HTR2C: variants seen among roughly 807,000 people sequenced by gnomAD.
HTR2C encodes 5-hydroxytryptamine (serotonin) receptor 2C, G protein-coupled.
HTR2C carries 5 observed loss-of-function variants against 21.0 expected under a neutral mutation model. The observed-to-expected ratio is 0.24, with a 90% CI of 0.12 to 0.50. The LOEUF (loss-of-function observed/expected upper bound fraction) is 0.50. Among genes scored for constraint, HTR2C ranks in the 20% least tolerant of loss-of-function variants. HTR2C has a pLI of 0.98. For synonymous variants in HTR2C, 150 were observed against 145.3 expected (o/e 1.03, Z -0.23); for missense variants, 271 against 371.2 (o/e 0.73, Z 2.22).
intron 4 of HTR2C, among the ~76,000 whole-genome samples, chrX:114,840,486 G>A (rs1036312986): frequency 3.6e-5 from 4 of 110,869 alleles, no homozygotes; most frequent in Admixed American, 1.9e-4. Context: ...AGATCAGAGC[G>A]AAACACATTG....
At chrX:114,600,073 A>T (rs1186331253) in intron 1 of HTR2C, among the ~76,000 whole-genome samples, 1 of 111,986 alleles carries the variant, frequency 8.9e-6, no homozygotes, top group African/African-American at 3.2e-5. Context: ...ATTGAGCCCT[A>T]ACCATATCCT....
rs782817830 is a variant in HTR2C at position 114,699,945 on chromosome X, A to T, written c.-79-26913A>T. On this transcript the variant is annotated intron_variant, in intron 2 of 5. Coordinates refer to ENST00000276198, the MANE Select transcript of HTR2C (RefSeq NM_000868.4). ...GCTACCACAGATATTAGCCTATTGCATTTCTTTTGATTAAGTTATAAATTT... is the reference window on the plus strand; with the variant it reads ...GCTACCACAGATATTAGCCTATTGCTTTTCTTTTGATTAAGTTATAAATTT... Among the ~76,000 whole-genome samples the T allele has an allele frequency of 8.2e-5, 6 of 73,418 alleles. No homozygotes were observed. The East Asian group carries it at 3.4e-3, about 42-fold the overall frequency. 63.8% of individuals were successfully genotyped at this position (73,418 alleles called of 115,157 possible).
At chrX:114,846,295 T>C (rs2070873302) in intron 4 of HTR2C, among the ~76,000 whole-genome samples, 1 of 111,896 alleles carries the variant, frequency 8.9e-6, no homozygotes, top group Admixed American at 9.5e-5. Context: ...AAATAGAAGA[T>C]GAAGAAACAT....
At chrX:114,758,962 A>G (rs1231448767) in intron 4 of HTR2C, among the ~76,000 whole-genome samples, 1 of 112,021 alleles carries the variant, frequency 8.9e-6, no homozygotes, top group East Asian at 2.8e-4. Context: ...ACAATTTTTT[A>G]TCATTTACAT....
At chrX:114,591,387 T>C (rs1388139584) in intron 1 of HTR2C, among the ~76,000 whole-genome samples, 1 of 111,987 alleles carries the variant, frequency 8.9e-6, no homozygotes, top group African/African-American at 3.2e-5. Context: ...ATCATACCTC[T>C]ATATCTATTT....
intron 2 of HTR2C, among the ~76,000 whole-genome samples, chrX:114,692,560 T>C (rs1356621537): frequency 9.0e-6 from 1 of 111,253 alleles, no homozygotes; most frequent in African/African-American, 3.3e-5. Context: ...AGTATCTGAA[T>C]ATATATATTC....
chrX:114,736,916 A>G (rs2069595204), intron 4 of HTR2C, among the ~76,000 whole-genome samples: 1 of 111,944 alleles, frequency 8.9e-6, no homozygotes, highest in African/African-American at 3.2e-5. Context: ...AACAGAAATT[A>G]CCAAATTTAT....
At chrX:114,787,011 C>T (rs1010875653) in intron 4 of HTR2C, among the ~76,000 whole-genome samples, 4 of 111,612 alleles carry the variant, frequency 3.6e-5, no homozygotes, top group Admixed American at 1.9e-4. Context: ...AAAACACAGG[C>T]GACTGAAGTG....
intron 5 of HTR2C, among the ~76,000 whole-genome samples, chrX:114,865,907 C>T (rs1398369381): frequency 9.0e-6 from 1 of 111,119 alleles, no homozygotes; most frequent in Non-Finnish European, 1.9e-5. Context: ...CCTCCACCTC[C>T]CAGATTCAAG....
intron 2 of HTR2C, among the ~76,000 whole-genome samples, chrX:114,661,986 C>A (rs1931004589): frequency 8.9e-6 from 1 of 111,935 alleles, no homozygotes; most frequent in Admixed American, 9.5e-5. Context: ...TAAACATGTG[C>A]AATACATTTG....
At chrX:114,795,959 G>C (rs2070289096) in intron 4 of HTR2C, among the ~76,000 whole-genome samples, 1 of 111,662 alleles carries the variant, frequency 9.0e-6, no homozygotes, top group Admixed American at 9.6e-5. Flanking sequence ...AGAATACTGG[G>C]TGTTGGGATT....
intron 5 of HTR2C, among the ~76,000 whole-genome samples, chrX:114,887,444 A>G (rs2071228283): frequency 9.0e-6 from 1 of 111,527 alleles, no homozygotes; most frequent in Non-Finnish European, 1.9e-5. Flanking sequence ...GTATGCATTT[A>G]TACTGTCTTC....
intron 2 of HTR2C, among the ~76,000 whole-genome samples, chrX:114,684,762 C>G (rs1178058660): frequency 9.0e-6 from 1 of 111,273 alleles, no homozygotes; most frequent in Non-Finnish European, 1.9e-5. Context: ...GATTGTATTT[C>G]TCCTCATTAT....
chrX:114,601,826 T>C (rs1928111313), intron 1 of HTR2C, among the ~76,000 whole-genome samples: 1 of 101,493 alleles, frequency 9.9e-6, no homozygotes, highest in South Asian at 5.3e-4. Context: ...GAATGGGCGA[T>C]GTTTCTCAGG....
chrX:114,643,185 G>A lies in HTR2C; in HGVS notation c.-80+29304G>A, dbSNP rs182995997. ...GTTCCTAGATAAATGAGTCTTTGCA[G>A]ATTACAGAGCATTCAAAATATATTA... On this transcript the variant is annotated intron_variant, in intron 2 of 5. Transcript: ENST00000276198. Among the ~76,000 whole-genome samples, 3 of 110,576 alleles carry A rather than the reference G, an allele frequency of 2.7e-5. No homozygotes were observed. The East Asian group carries it at 8.5e-4, about 31-fold the overall frequency.
chrX:114,875,218 T>C (rs1381758981), intron 5 of HTR2C, among the ~76,000 whole-genome samples: 1 of 111,353 alleles, frequency 9.0e-6, no homozygotes, highest in Non-Finnish European at 1.9e-5. Flanking sequence ...CCTAATCATT[T>C]CCCAAAGGCT....
intron 1 of HTR2C, among the ~76,000 whole-genome samples, chrX:114,601,350 T>C (rs782078116): frequency 0.012 from 1,315 of 109,719 alleles, 26 homozygotes; most frequent in African/African-American, 0.041. Context: ...TGGGTGCAGG[T>C]GGGCTGAGTC....
chrX:114,801,162 A>G (rs1482776983), intron 4 of HTR2C, among the ~76,000 whole-genome samples: 1 of 111,215 alleles, frequency 9.0e-6, no homozygotes, highest in Non-Finnish European at 1.9e-5. Context: ...TGGCTTTTCT[A>G]TGTTGCTTAA....
In HTR2C at chrX:114,745,248, T is replaced by C. The variant is rs147927664; in HGVS notation, c.349+13641T>C. On this transcript the variant is annotated intron_variant, in intron 4 of 5. Coordinates refer to ENST00000276198, the MANE Select transcript of HTR2C (RefSeq NM_000868.4). ...AGCAAATCAAAACTACAAATTAAAC[T>C]ACAATCTCGCCCCAGTTAAAATGAC... Among the ~76,000 whole-genome samples, 567 of 112,251 alleles carry C rather than the reference T, an allele frequency of 5.1e-3. 4 individuals carry two copies. The highest frequency in any genetic ancestry group is 0.017 in the African/African-American group (532 of 30,890).
Sources: gnomAD v4.1 joint callset for allele counts (sites outside exome capture counted in the v4.1 genomes callset) on GRCh38, gnomAD v4.1.1 for gene constraint, MANE v1.5 for transcripts, NCBI Gene and HGNC (gene_info 2026-07-23, HGNC 2026-07-21) for gene names.